The following KIF6 variants were observed in gnomAD, a reference collection of about 807,000 sequenced individuals.
The protein encoded by KIF6 is kinesin family member 6.
In KIF6, 106 loss-of-function variants were observed where a neutral mutation model predicts 112.7. The ratio of observed to expected loss-of-function variants is 0.94; its 90% CI spans 0.80 to 1.11. KIF6 has a LOEUF of 1.11. Ranked by LOEUF, KIF6 falls within the 50% of genes least tolerant of loss-of-function variation. The pLI, the probability that KIF6 is intolerant of heterozygous loss-of-function variation, is 0.00. For synonymous variants in KIF6, 339 were observed against 339.9 expected (o/e 1.00, Z 0.03); for missense variants, 929 against 964.0 (o/e 0.96, Z 0.48).
chr6:39,623,950 G>A (rs1309919471), intron 5 of KIF6, among the ~76,000 whole-genome samples: 4 of 152,122 alleles, frequency 2.6e-5, no homozygotes, highest in Non-Finnish European at 4.4e-5. Flanking sequence ...CACCTCAGCA[G>A]CACTGTCAGC....
intron 13 of KIF6, among the ~76,000 whole-genome samples, chr6:39,516,367 TA>T (rs553353543): frequency 9.2e-4 from 137 of 148,736 alleles, no homozygotes; most frequent in African/African-American, 3.2e-3. Context: ...AAATACATGT[TA>T]AAAATATATA....
At chr6:39,550,727 T>C (rs1779328271) in intron 10 of KIF6, among the ~76,000 whole-genome samples, 1 of 152,204 alleles carries the variant, frequency 6.6e-6, no homozygotes. Context: ...AACTAACTTG[T>C]ATTAATTATA....
rs200230557 is a variant in KIF6, at chr6:39,693,891, CT to C, written c.251+20800del. ...AAAAGAAAACTATAAGCCAATATCC[CT>C]GAAGAACATAGATGCAAAAATCCTC... is the stretch of plus-strand genomic sequence containing the variant. On this transcript the variant is annotated intron_variant, in intron 3 of 22. Transcript: ENST00000287152. Among the ~76,000 whole-genome samples, 117 of 152,142 alleles carry C rather than the reference CT, an allele frequency of 7.7e-4. 1 individual carries two copies. The East Asian group carries it at 0.019, about 24-fold the overall frequency.
chr6:39,605,720 A>G (rs1561857356), intron 6 of KIF6, among the ~76,000 whole-genome samples: 1 of 152,292 alleles, frequency 6.6e-6, no homozygotes, highest in South Asian at 2.1e-4. Context: ...GATGCCGAAG[A>G]AAGAACTCTA....
intron 13 of KIF6, among the ~76,000 whole-genome samples, chr6:39,495,464 G>A (rs1775729842): frequency 6.6e-6 from 1 of 152,268 alleles, no homozygotes; most frequent in African/African-American, 2.4e-5. Flanking sequence ...GGGTAGGTGA[G>A]GCGATTGCCA....
In KIF6 at chr6:39,332,511, C is replaced by G. The variant is rs1762778289; in HGVS notation, c.*4021G>C. 6.6e-6 allele frequency: 1 copy of G among 152,204 alleles called. No homozygotes were observed. The highest frequency in any genetic ancestry group is 2.4e-5 in the African/African-American group (1 of 41,448). The allele number at this position is 152,204 out of a possible 1,614,324, so 9.4% of individuals were successfully genotyped here. A position where few individuals can be genotyped will look rare whatever the true frequency, so the allele number is the denominator to read the frequency against. On this transcript the variant is annotated 3_prime_UTR_variant, in exon 23 of 23. Coordinates refer to ENST00000287152, the MANE Select transcript of KIF6 (RefSeq NM_145027.6). ...CTTTGTTAGGTGGGACCAGAGCAAT[C>G]TATCATCTAGGACTAATTTGGCCCC...
intron 5 of KIF6, among the ~76,000 whole-genome samples, chr6:39,628,938 C>A (rs1467519703): frequency 2.0e-5 from 3 of 152,076 alleles, no homozygotes; most frequent in African/African-American, 4.8e-5. Context: ...AGTATGTAGA[C>A]TTTCATGCTA....
At chr6:39,496,236 A>G (rs1775776876) in intron 13 of KIF6, among the ~76,000 whole-genome samples, 1 of 152,214 alleles carries the variant, frequency 6.6e-6, no homozygotes, top group African/African-American at 2.4e-5. Flanking sequence ...TCACTGTCAC[A>G]TCACACTTCA....
intron 13 of KIF6, among the ~76,000 whole-genome samples, chr6:39,513,400 G>C (rs1037787344): frequency 1.3e-5 from 2 of 152,190 alleles, no homozygotes; most frequent in Non-Finnish European, 2.9e-5. Flanking sequence ...AATATGTTGA[G>C]ACATTGTTAC....
chr6:39,419,857 G>C (rs1335671860), intron 15 of KIF6, 91 bp downstream of exon 15: 1 of 1,108,424 alleles, frequency 9.0e-7, no homozygotes, highest in East Asian at 2.3e-5. Flanking sequence ...TGGCCATTTG[G>C]GGCTTCATGG....
At position 39,714,682 on chromosome 6, in the gene KIF6, G is replaced by C; in HGVS notation, c.251+10C>G. 1 of 1,609,012 alleles carries C rather than the reference G, an allele frequency of 6.2e-7. No individual in the cohort carries two copies. The highest frequency in any genetic ancestry group is 8.5e-7 in the Non-Finnish European group (1 of 1,175,642). On this transcript the variant is annotated intron_variant, in intron 3 of 22. Transcript: ENST00000287152. ...CACGAGCCCACTGAACAAAATATGG[G>C]AAATCCTACCTCCCAGCAACTGGTT...
chr6:39,562,952 G>T (rs777608214), intron 10 of KIF6, among the ~76,000 whole-genome samples: 36 of 152,092 alleles, frequency 2.4e-4, no homozygotes, highest in African/African-American at 8.0e-4. Flanking sequence ...AAATAGAGAA[G>T]AAAGGCTGGG....
chr6:39,614,176 G>A (rs528822017), intron 5 of KIF6, among the ~76,000 whole-genome samples: 1 of 152,282 alleles, frequency 6.6e-6, no homozygotes, highest in East Asian at 1.9e-4. Context: ...CAGGCCTACA[G>A]ATTTGAGTCA....
At chr6:39,723,134 A>G (rs1790323540) in intron 1 of KIF6, among the ~76,000 whole-genome samples, 1 of 152,324 alleles carries the variant, frequency 6.6e-6, no homozygotes, top group South Asian at 2.1e-4. Flanking sequence ...GATGCACTCT[A>G]AAAAGAAATG....
chr6:39,474,310 A>G (rs1774300074), intron 13 of KIF6, among the ~76,000 whole-genome samples: 1 of 152,208 alleles, frequency 6.6e-6, no homozygotes, highest in South Asian at 2.1e-4. Context: ...TATCAAGTAG[A>G]GTCCCCACTC....
rs1456899215 is a variant in KIF6, at chr6:39,556,777, A to T, written c.1182-11089T>A. Reference sequence around the variant, plus strand: ...TTTGGGAGAATAAGGGCCAGTTGGAAGTGGGCTAGCCCTACCAAAGCTATT... The same window carrying T: ...TTTGGGAGAATAAGGGCCAGTTGGATGTGGGCTAGCCCTACCAAAGCTATT... On this transcript the variant is annotated intron_variant, in intron 10 of 22. Transcript: ENST00000287152. Among the ~76,000 whole-genome samples the T allele has an allele frequency of 2.0e-5, 3 of 152,186 alleles. No individual in the cohort carries two copies. The East Asian group carries it at 5.8e-4, about 29-fold the overall frequency.
At chr6:39,401,982 G>A (rs754715031) in intron 15 of KIF6, among the ~76,000 whole-genome samples, 1 of 152,142 alleles carries the variant, frequency 6.6e-6, no homozygotes, top group Non-Finnish European at 1.5e-5. Context: ...TGGGAGTCAG[G>A]TTTGTTTTCT....
rs1181261661 is a variant in KIF6, at chr6:39,443,156, T to TAAATA, written c.1646-11996_1646-11995insTATTT. 9.4e-4 allele frequency among the ~76,000 whole-genome samples: 106 copies of TAAATA among 113,074 alleles called. 2 individuals are homozygous for TAAATA. Among genetic ancestry groups the TAAATA allele is most frequent in the East Asian group, 5.5e-3 (17 of 3,112 alleles). 74.2% of individuals were successfully genotyped at this position (113,074 alleles called of 152,430 possible). On this transcript the variant is annotated intron_variant, in intron 13 of 22. Transcript: ENST00000287152. ...ATAATAATAATAATAATAATAATAA[T>TAAATA]AATAAATAAAAATAAAAAAAAGAAA...
chr6:39,719,297 C>T (rs757103852), intron 2 of KIF6, among the ~76,000 whole-genome samples: 3 of 149,028 alleles, frequency 2.0e-5, no homozygotes, highest in African/African-American at 5.0e-5. Context: ...CCAGCCTGGG[C>T]GACAGAGCAA....
Sources: gnomAD v4.1 joint callset for allele counts (sites outside exome capture counted in the v4.1 genomes callset) on GRCh38, gnomAD v4.1.1 for gene constraint, MANE v1.5 for transcripts, NCBI Gene and HGNC (gene_info 2026-07-23, HGNC 2026-07-21) for gene names.